The following TRIQK variants were observed in gnomAD, a reference collection of about 807,000 sequenced individuals.
TRIQK encodes triple QxxK/R motif-containing protein.
A neutral mutation model predicts 10.8 loss-of-function variants in TRIQK; 10 were observed. The observed-to-expected ratio is 0.92, with a 90% CI of 0.57 to 1.57. The LOEUF (loss-of-function observed/expected upper bound fraction) is 1.57. Among genes scored for constraint, TRIQK ranks in the 40% most tolerant of loss-of-function variants. The pLI is 0.00. For missense variants in TRIQK, 107 were observed against 97.7 expected, an observed-to-expected ratio of 1.09 and a Z score of -0.40; for synonymous variants, 33 against 33.7, an observed-to-expected ratio of 0.98 and a Z score of 0.07.
chr8:92,942,008 G>A (rs12544689), intron 2 of TRIQK, among the ~76,000 whole-genome samples: 9,237 of 152,064 alleles, frequency 0.061, 540 homozygotes, highest in East Asian at 0.2. Context: ...AATAAAGAAC[G>A]AACACTAATT....
intron 2 of TRIQK, among the ~76,000 whole-genome samples, chr8:92,925,085 T>C (rs1028834232): frequency 2.6e-5 from 4 of 152,154 alleles, no homozygotes; most frequent in Admixed American, 2.6e-4. Flanking sequence ...AAAAGTCATG[T>C]TCCAGAAAAG....
intron 1 of TRIQK, among the ~76,000 whole-genome samples, chr8:93,006,673 G>A (rs1713204287): frequency 6.6e-6 from 1 of 152,166 alleles, no homozygotes; most frequent in South Asian, 2.1e-4. Context: ...TGTCAGTGCT[G>A]GGGAGACCGG....
intron 4 of TRIQK, among the ~76,000 whole-genome samples, chr8:92,888,853 T>C (rs1174837341): frequency 6.6e-6 from 1 of 151,512 alleles, no homozygotes; most frequent in Non-Finnish European, 1.5e-5. Flanking sequence ...ACCTTTTAAA[T>C]AAAAAAGCAA....
At chr8:92,902,293 G>A (rs1027010297) in intron 3 of TRIQK, among the ~76,000 whole-genome samples, 3 of 152,118 alleles carry the variant, frequency 2.0e-5, no homozygotes, top group South Asian at 2.1e-4. Context: ...GCTAGGACTA[G>A]TCTAAATGCT....
At chr8:92,892,132 T>A in intron 3 of TRIQK, 58 bp from the exon 4 acceptor site, 1 of 1,174,292 alleles carries the variant, frequency 8.5e-7, no homozygotes, top group Non-Finnish European at 1.2e-6. Flanking sequence ...AGTTTAACAA[T>A]CATTTGAAAT....
chr8:93,001,985 C>T (rs1813215442), intron 1 of TRIQK, among the ~76,000 whole-genome samples: 1 of 152,112 alleles, frequency 6.6e-6, no homozygotes, highest in Non-Finnish European at 1.5e-5. Flanking sequence ...ATTTCAGAAA[C>T]TTTACAAATA....
At chr8:92,971,353 C>G (rs1191848720) in intron 1 of TRIQK, among the ~76,000 whole-genome samples, 1 of 152,128 alleles carries the variant, frequency 6.6e-6, no homozygotes, top group African/African-American at 2.4e-5. Context: ...AGAAGTCAAA[C>G]TGTCTCTGTT....
intron 2 of TRIQK, among the ~76,000 whole-genome samples, chr8:92,949,779 A>C (rs1455187040): frequency 1.0e-5 from 1 of 98,346 alleles, no homozygotes; most frequent in Non-Finnish European, 2.0e-5. Flanking sequence ...AAGGAAAGAA[A>C]GAAAAAGAAA....
At chr8:92,895,997 A>C (rs867615851) in intron 3 of TRIQK, among the ~76,000 whole-genome samples, 3 of 152,204 alleles carry the variant, frequency 2.0e-5, no homozygotes, top group Non-Finnish European at 2.9e-5. Context: ...ATTACTAGGG[A>C]GAGAAGGGGA....
intron 4 of TRIQK, among the ~76,000 whole-genome samples, chr8:92,891,186 T>C (rs1409819362): frequency 6.6e-6 from 1 of 151,938 alleles, no homozygotes; most frequent in African/African-American, 2.4e-5. Context: ...TACAGCTTGG[T>C]AGTAATACCT....
chr8:92,889,741 A>G (rs1816668948), intron 4 of TRIQK, among the ~76,000 whole-genome samples: 1 of 151,650 alleles, frequency 6.6e-6, no homozygotes, highest in South Asian at 2.1e-4. Flanking sequence ...TCCTGACAAC[A>G]TTATGAGGTA....
In TRIQK at chr8:92,964,472, A is replaced by ATC. The variant is rs921428112; in HGVS notation, c.-181+1534_-181+1535insGA. Among the ~76,000 whole-genome samples, 165 of 148,196 alleles carry ATC rather than the reference A, an allele frequency of 1.1e-3. 1 individual carries two copies. The highest frequency in any genetic ancestry group is 3.6e-3 in the Middle Eastern group (1 of 280). On this transcript the variant is annotated intron_variant, in intron 1 of 4. Coordinates refer to ENST00000521988, the MANE Select transcript of TRIQK (RefSeq NM_001171797.2). ...CAGGTATATATATATATCTATATATATATATATATCTAGTGATATTAAAGA... is the reference window on the plus strand; with the variant it reads ...CAGGTATATATATATATCTATATATATCTATATATATCTAGTGATATTAAAGA...
At chr8:92,896,891 A>T (rs1320815812) in intron 3 of TRIQK, among the ~76,000 whole-genome samples, 3 of 149,906 alleles carry the variant, frequency 2.0e-5, no homozygotes, top group African/African-American at 7.4e-5. Flanking sequence ...ATCCTGGCTC[A>T]CTGCAACCTC....
intron 4 of TRIQK, 87 bp downstream of exon 4, chr8:92,891,902 T>A: frequency 1.1e-6 from 1 of 942,532 alleles, no homozygotes; most frequent in South Asian, 1.8e-5. Flanking sequence ...CATAAAACAT[T>A]TAGAATTCAA....
At chr8:92,905,159 A>C (rs900579307) in intron 3 of TRIQK, among the ~76,000 whole-genome samples, 3 of 152,210 alleles carry the variant, frequency 2.0e-5, no homozygotes, top group Admixed American at 1.3e-4. Context: ...TCATAGAAAA[A>C]AAAACTGAGA....
chr8:92,952,217 T>C (rs750268217), intron 2 of TRIQK, among the ~76,000 whole-genome samples: 4 of 151,926 alleles, frequency 2.6e-5, no homozygotes, highest in Non-Finnish European at 4.4e-5. Flanking sequence ...GTAGACACCA[T>C]GCAACAACAG....
At chr8:92,992,848 T>C (rs189121326) in intron 1 of TRIQK, among the ~76,000 whole-genome samples, 149 of 152,298 alleles carry the variant, frequency 9.8e-4, no homozygotes, top group Non-Finnish European at 1.8e-3. Context: ...GTTGGAAGAA[T>C]TTGAAGTCCT....
At chr8:92,900,663 T>C (rs1171048340) in intron 3 of TRIQK, among the ~76,000 whole-genome samples, 1 of 152,158 alleles carries the variant, frequency 6.6e-6, no homozygotes, top group Non-Finnish European at 1.5e-5. Flanking sequence ...TAATTTGAAG[T>C]CAGTTAATGT....
intron 1 of TRIQK, among the ~76,000 whole-genome samples, chr8:92,964,525 G>A (rs1445536178): frequency 6.8e-6 from 1 of 147,522 alleles, no homozygotes; most frequent in East Asian, 2.0e-4. Flanking sequence ...AGACATTACA[G>A]GTTCTACCTA....
Sources: gnomAD v4.1 joint callset for allele counts (sites outside exome capture counted in the v4.1 genomes callset) on GRCh38, gnomAD v4.1.1 for gene constraint, MANE v1.5 for transcripts, NCBI Gene and HGNC (gene_info 2026-07-23, HGNC 2026-07-21) for gene names.